The following DZIP3 variants were observed in gnomAD, a reference collection of about 807,000 sequenced individuals.
DZIP3 encodes the protein E3 ubiquitin-protein ligase DZIP3.
Under a neutral mutation model 162.0 loss-of-function variants are expected in DZIP3, and 118 were observed. The ratio of observed to expected loss-of-function variants is 0.73; its 90% CI spans 0.63 to 0.85. The LOEUF (loss-of-function observed/expected upper bound fraction) is 0.85. Among genes scored for constraint, DZIP3 ranks in the 40% least tolerant of loss-of-function variants. DZIP3 has a pLI of 0.00. For missense variants in DZIP3, 1,331 were observed against 1,407.0 expected (o/e 0.95, Z 0.86); for synonymous variants, 438 against 458.6 (o/e 0.96, Z 0.57).
intron 2 of DZIP3, among the ~76,000 whole-genome samples, chr3:108,606,535 A>G (rs1940385770): frequency 6.6e-6 from 1 of 152,220 alleles, no homozygotes; most frequent in Admixed American, 6.5e-5. Flanking sequence ...GTGGCTGTCT[A>G]TAGGAAGAAA....
At chr3:108,623,480 C>G (rs900155809) in intron 5 of DZIP3, among the ~76,000 whole-genome samples, 3 of 152,150 alleles carry the variant, frequency 2.0e-5, no homozygotes, top group African/African-American at 7.2e-5. Context: ...GCTAGAGCCT[C>G]AGGATTCTAC....
rs139745617 is a variant in DZIP3 at position 108,633,068 on chromosome 3, A to G, written c.812A>G (p.Tyr271Cys). ...CEADILKNTS[Y>C]KGFFQLMCSK... ...GCTGACATTTTGAAGAACACCAGTTATAAGGTACTGTAATTGTCAATTAAC... is the reference window on the plus strand; with the variant it reads ...GCTGACATTTTGAAGAACACCAGTTGTAAGGTACTGTAATTGTCAATTAAC... The change falls in exon 9 of 33, where the codon TAT becomes TGT. Residue 271 changes from tyrosine to cysteine, a missense_variant. Physicochemically the swap from Tyr to Cys is radical, Grantham distance 194. This residue lies in a region of DZIP3 where 1,278 missense variants were observed against 1,317.1 expected (regional missense o/e 0.97). Transcript: ENST00000361582. The G allele has an allele frequency of 2.1e-4, 305 of 1,455,744 alleles. No homozygotes were observed. Among genetic ancestry groups the G allele is most frequent in the Middle Eastern group, 5.4e-4 (3 of 5,512 alleles). 90.2% of individuals were successfully genotyped at this position (1,455,744 alleles called of 1,614,324 possible). A position where few individuals can be genotyped will look rare whatever the true frequency, so the allele number is the denominator to read the frequency against.
chr3:108,620,044 A>C (rs754045698), intron 5 of DZIP3, among the ~76,000 whole-genome samples: 8 of 152,186 alleles, frequency 5.3e-5, no homozygotes, highest in South Asian at 2.1e-4. Context: ...TATTATGGTG[A>C]TGTGATAAGG....
intron 21 of DZIP3, among the ~76,000 whole-genome samples, chr3:108,666,708 A>G (rs757695422): frequency 1.3e-5 from 2 of 152,186 alleles, no homozygotes; most frequent in South Asian, 4.1e-4. Context: ...TCAGGTCACA[A>G]TGGAGTCAAA....
At chr3:108,607,583 GTCAAGTGATCCCTTATTAC>G (rs1373769365) in intron 2 of DZIP3, among the ~76,000 whole-genome samples, 2 of 152,142 alleles carry the variant, frequency 1.3e-5, no homozygotes, top group Non-Finnish European at 2.9e-5. Context: ...AGCAAAACCT[GTCAAGTGATCCCTTATTAC>G]TCAAATAGTT....
At chr3:108,631,008 TACACACACACACAC>T (rs779771238) in intron 8 of DZIP3, among the ~76,000 whole-genome samples, 14 of 27,442 alleles carry the variant, frequency 5.1e-4, no homozygotes, top group East Asian at 1.3e-3. Flanking sequence ...ATACATCCCC[TACACACACACACAC>T]ACACACACAC....
chr3:108,656,122 T>C (rs1943104963), intron 19 of DZIP3, among the ~76,000 whole-genome samples: 1 of 152,214 alleles, frequency 6.6e-6, no homozygotes, highest in African/African-American at 2.4e-5. Flanking sequence ...TAAATGTCCC[T>C]GTCTGACAGC....
chr3:108,631,316 C>A (rs1941876542), intron 8 of DZIP3, among the ~76,000 whole-genome samples: 1 of 151,758 alleles, frequency 6.6e-6, no homozygotes, highest in Non-Finnish European at 1.5e-5. Context: ...TTTTTTGAGA[C>A]CTTTCAAGTA....
intron 26 of DZIP3, among the ~76,000 whole-genome samples, chr3:108,683,577 A>G (rs1287075075): frequency 1.3e-5 from 2 of 152,138 alleles, no homozygotes; most frequent in Non-Finnish European, 2.9e-5. Context: ...TTTTCCACAG[A>G]TAGCTGCTAA....
At chr3:108,628,873 C>G (rs575852459) in intron 7 of DZIP3, among the ~76,000 whole-genome samples, 189 bp from the exon 8 acceptor site, 1 of 152,196 alleles carries the variant, frequency 6.6e-6, no homozygotes, top group South Asian at 2.1e-4. Flanking sequence ...TAATCTAGTG[C>G]CTCCCCTTCC....
chr3:108,606,886 TA>T (rs1159117876), intron 2 of DZIP3, among the ~76,000 whole-genome samples: 2 of 152,168 alleles, frequency 1.3e-5, no homozygotes, highest in African/African-American at 4.8e-5. Flanking sequence ...CAGTTGATTT[TA>T]ATATGTATCT....
At position 108,669,722 on chromosome 3, in the gene DZIP3, AC is replaced by A. The variant is rs1943851859; in HGVS notation, c.2467del (p.Glu825SerfsTer5). 6.2e-7 allele frequency: 1 copy of A among 1,611,280 alleles called. No individual in the cohort carries two copies. Among genetic ancestry groups the A allele is most frequent in the Admixed American group, 1.7e-5 (1 of 59,746 alleles). On this transcript the variant is annotated frameshift_variant, in exon 22 of 33. Transcript: ENST00000361582. LOFTEE classifies it high-confidence loss of function. ...QIHAKDNEIK[N>X]LKEQLSMKRS... Reference sequence around the variant, plus strand: ...CATGCTAAAGATAATGAAATCAAGAACCTTAAAGAGCAACTTTCTATGAAAA... The same window carrying A: ...CATGCTAAAGATAATGAAATCAAGAACTTAAAGAGCAACTTTCTATGAAAA...
chr3:108,625,874 G>C lies in DZIP3; in HGVS notation c.486G>C (p.Leu162=), dbSNP rs748805645. The change falls in exon 7 of 33, where the codon CTG becomes CTC. Residue 162 remains leucine, a synonymous_variant. Transcript: ENST00000361582. ...EDYTEAENKF[L]VMKMMIQENE... is the part of the protein sequence containing the mutation. Reference sequence around the variant, plus strand: ...ATACAGAAGCTGAGAATAAATTTCTGGTGATGAAGATGATGATCCAAGAAA... The same window carrying C: ...ATACAGAAGCTGAGAATAAATTTCTCGTGATGAAGATGATGATCCAAGAAA... The C allele has an allele frequency of 6.2e-7, 1 of 1,612,406 alleles. No individual in the cohort carries two copies. The highest frequency in any genetic ancestry group is 8.5e-7 in the Non-Finnish European group (1 of 1,179,206).
At chr3:108,649,638 T>G (rs1482616244) in intron 17 of DZIP3, among the ~76,000 whole-genome samples, 2 of 152,006 alleles carry the variant, frequency 1.3e-5, no homozygotes, top group East Asian at 3.9e-4. Context: ...TGATATATTC[T>G]GTATATTATA....
At position 108,629,104 on chromosome 3, in the gene DZIP3, A is replaced by G; in HGVS notation, c.624A>G (p.Glu208=). 6.2e-7 allele frequency: 1 copy of G among 1,604,480 alleles called. No individual in the cohort carries two copies. Among genetic ancestry groups the G allele is most frequent in the Non-Finnish European group, 8.5e-7 (1 of 1,176,988 alleles). ...GLLEFHKSLQ[E]IGDKNDHWFD... is the part of the protein sequence containing the mutation. ...TAGAATTTCATAAAAGCTTACAAGAAATTGGAGACAAAAATGACCATTGGT... is the reference window on the plus strand; with the variant it reads ...TAGAATTTCATAAAAGCTTACAAGAGATTGGAGACAAAAATGACCATTGGT... The change falls in exon 8 of 33, where the codon GAA becomes GAG. Residue 208 remains glutamate (E), a synonymous_variant. Coordinates refer to ENST00000361582, the MANE Select transcript of DZIP3 (RefSeq NM_014648.4).
At chr3:108,595,466 C>G (rs984524210) in intron 1 of DZIP3, among the ~76,000 whole-genome samples, 3 of 152,156 alleles carry the variant, frequency 2.0e-5, no homozygotes, top group Non-Finnish European at 2.9e-5. Context: ...AATCCTGCCT[C>G]AGCCTTCCAA....
At chr3:108,639,935 A>G (rs1199363464) in intron 12 of DZIP3, among the ~76,000 whole-genome samples, 1 of 151,412 alleles carries the variant, frequency 6.6e-6, no homozygotes, top group Non-Finnish European at 1.5e-5. Context: ...TAGCTGCCCC[A>G]TATGTTTTGA....
At chr3:108,603,674 T>C (rs969818377) in intron 1 of DZIP3, among the ~76,000 whole-genome samples, 2 of 152,206 alleles carry the variant, frequency 1.3e-5, no homozygotes, top group African/African-American at 4.8e-5. Context: ...TCTCTCTCTG[T>C]GTATATATGT....
Position 108,671,863 on chromosome 3 carries a change from A to G in DZIP3, c.2493-697A>G, listed in dbSNP as rs78083420. ...TTTTTTCCATTTTCCTCATTTTTAC[A>G]TGTGAGGAAACTGAGGTATAGAGAA... On this transcript the variant is annotated intron_variant, in intron 22 of 32. Coordinates refer to ENST00000361582, the MANE Select transcript of DZIP3 (RefSeq NM_014648.4). Among the ~76,000 whole-genome samples the G allele has an allele frequency of 6.9e-3, 1,042 of 152,028 alleles. 5 individuals carry two copies. Among genetic ancestry groups the G allele is most frequent in the African/African-American group, 0.024 (982 of 41,496 alleles).
Sources: allele counts gnomAD v4.1 joint callset (sites outside exome capture counted in the v4.1 genomes callset), GRCh38; gene constraint gnomAD v4.1.1; regional missense constraint gnomAD v4.1.1; transcripts MANE v1.5; gene names NCBI Gene and HGNC (gene_info 2026-07-23, HGNC 2026-07-21).